Variants in DGKI observed in about 807,000 individuals in gnomAD.
The protein encoded by DGKI is diacylglycerol kinase iota.
In DGKI, 55 loss-of-function variants were observed where a neutral mutation model predicts 147.5. The observed-to-expected ratio is 0.37, with a 90% CI of 0.30 to 0.47. The LOEUF (loss-of-function observed/expected upper bound fraction) is 0.47. Among genes scored for constraint, DGKI ranks in the 20% least tolerant of loss-of-function variants. DGKI has a pLI of 1.00. For missense variants in DGKI, 1,007 were observed against 1,323.8 expected (o/e 0.76, Z 3.71); for synonymous variants, 469 against 477.1 (o/e 0.98, Z 0.22).
chr7:137,587,133 A>G lies in DGKI; in HGVS notation c.1389T>C (p.Thr463=), dbSNP rs756381487. 11 of 1,612,236 alleles carry G rather than the reference A, an allele frequency of 6.8e-6. No individual in the cohort carries two copies. The African/African-American group carries it at 1.5e-4, about 22-fold the overall frequency. Residue 463 remains threonine, a synonymous_variant, in exon 13 of 33, where the codon ACT becomes ACC. Transcript: ENST00000614521. The part of the protein sequence containing the change: ...QPPVGVLPLG[T]GNDLARTLNW... The stretch of plus-strand genomic sequence containing the variant: ...TGAGAGTTCGAGCCAGGTCATTCCC[A>G]GTCCCCAGAGGAAGGACCCCCACAG...
intron 2 of DGKI, among the ~76,000 whole-genome samples, chr7:137,680,500 C>T (rs1046632794): frequency 3.9e-5 from 6 of 152,134 alleles, no homozygotes; most frequent in South Asian, 2.1e-4. Flanking sequence ...TACCAAATGG[C>T]CAGGAGCAGT....
intron 15 of DGKI, among the ~76,000 whole-genome samples, chr7:137,579,032 C>A (rs1311984713): frequency 6.6e-6 from 1 of 152,048 alleles, no homozygotes; most frequent in African/African-American, 2.4e-5. Flanking sequence ...TAAAAATTCT[C>A]CTTTAATGAG....
intron 1 of DGKI, among the ~76,000 whole-genome samples, chr7:137,719,238 G>A (rs1423740875): frequency 1.3e-5 from 2 of 152,204 alleles, no homozygotes; most frequent in East Asian, 1.9e-4. Context: ...GCAGTGAGGG[G>A]CATGTTCTGC....
intron 6 of DGKI, among the ~76,000 whole-genome samples, chr7:137,638,748 T>G (rs1001891966): frequency 1.3e-5 from 2 of 149,790 alleles, no homozygotes; most frequent in African/African-American, 4.9e-5. Flanking sequence ...TAAATAACTA[T>G]AACATGTTAA....
In DGKI at chr7:137,412,153, G is replaced by A. The variant is rs778821159; in HGVS notation, c.2799+17C>T. On this transcript the variant is annotated intron_variant, in intron 29 of 32. Transcript: ENST00000614521. Reference sequence around the variant, plus strand: ...TTCTTAAAGCATCGCCAAAGATTTGGTAGGAAGATATCTTACCTTCATAAG... The same window carrying A: ...TTCTTAAAGCATCGCCAAAGATTTGATAGGAAGATATCTTACCTTCATAAG... 3.7e-6 allele frequency: 6 copies of A among 1,611,836 alleles called. No individual in the cohort carries two copies. The South Asian group carries it at 5.5e-5, about 15-fold the overall frequency.
chr7:137,642,337 G>A (rs867838013), intron 6 of DGKI, among the ~76,000 whole-genome samples: 1 of 152,152 alleles, frequency 6.6e-6, no homozygotes, highest in African/African-American at 2.4e-5. Context: ...TCTTGTGACT[G>A]AAAGTTGCAG....
At chr7:137,824,848 T>C (rs1678082054) in intron 1 of DGKI, among the ~76,000 whole-genome samples, 1 of 152,204 alleles carries the variant, frequency 6.6e-6, no homozygotes, top group Non-Finnish European at 1.5e-5. Flanking sequence ...CTAAGGATAA[T>C]GGCCTCCAGC....
intron 6 of DGKI, among the ~76,000 whole-genome samples, chr7:137,643,693 C>A (rs1821731301): frequency 6.6e-6 from 1 of 152,188 alleles, no homozygotes; most frequent in East Asian, 1.9e-4. Context: ...CAGGAAAGGA[C>A]ACACAGCAAC....
At chr7:137,546,251 G>A (rs901159144) in intron 20 of DGKI, among the ~76,000 whole-genome samples, 4 of 152,080 alleles carry the variant, frequency 2.6e-5, no homozygotes, top group Admixed American at 6.5e-5. Context: ...ACGGCAGGTC[G>A]GGGGGTGTAG....
chr7:137,472,178 A>G (rs536126621), intron 23 of DGKI, among the ~76,000 whole-genome samples: 255 of 119,432 alleles, frequency 2.1e-3, no homozygotes, highest in Middle Eastern at 0.012. Context: ...ACACATATAT[A>G]TGTATATACA....
chr7:137,555,677 G>A (rs1401671262), intron 19 of DGKI, among the ~76,000 whole-genome samples: 3 of 152,028 alleles, frequency 2.0e-5, no homozygotes, highest in Non-Finnish European at 4.4e-5. Flanking sequence ...GAAGTTTGGT[G>A]TAATAAATAC....
chr7:137,628,248 A>G (rs958299688), intron 6 of DGKI, among the ~76,000 whole-genome samples: 1 of 152,218 alleles, frequency 6.6e-6, no homozygotes, highest in Non-Finnish European at 1.5e-5. Context: ...GACCGATACT[A>G]GAAACAAACA....
chr7:137,586,418 C>T (rs1212535720), intron 13 of DGKI, among the ~76,000 whole-genome samples: 4 of 150,594 alleles, frequency 2.7e-5, no homozygotes, highest in Non-Finnish European at 4.4e-5. Flanking sequence ...CACAACAAGA[C>T]TGCATCTCAA....
chr7:137,508,928 A>G (rs183314285), intron 21 of DGKI, among the ~76,000 whole-genome samples: 61 of 152,238 alleles, frequency 4.0e-4, no homozygotes, highest in Admixed American at 7.9e-4. Flanking sequence ...ATCAGTACCT[A>G]TTTTGTTACT....
intron 24 of DGKI, among the ~76,000 whole-genome samples, chr7:137,469,013 T>TA (rs1179002579): frequency 1.3e-5 from 2 of 152,068 alleles, no homozygotes; most frequent in African/African-American, 2.4e-5. Context: ...ATACTTGAGA[T>TA]AAAAAAACGG....
chr7:137,459,345 C>A (rs1814327748), intron 27 of DGKI, among the ~76,000 whole-genome samples: 1 of 151,822 alleles, frequency 6.6e-6, no homozygotes. Context: ...GCCCTGGGTG[C>A]CTTGGAGGAA....
intron 20 of DGKI, among the ~76,000 whole-genome samples, chr7:137,523,229 C>T (rs982280335): frequency 2.0e-5 from 3 of 151,984 alleles, no homozygotes; most frequent in Non-Finnish European, 4.4e-5. Flanking sequence ...CACAGAGACA[C>T]AGACACACAC....
intron 19 of DGKI, among the ~76,000 whole-genome samples, chr7:137,555,915 C>T (rs1401503168): frequency 6.6e-6 from 1 of 151,734 alleles, no homozygotes; most frequent in African/African-American, 2.4e-5. Flanking sequence ...AAAAGCAGTA[C>T]AAGAAAACAA....
intron 28 of DGKI, among the ~76,000 whole-genome samples, chr7:137,432,065 C>T (rs924911990): frequency 6.6e-6 from 1 of 152,174 alleles, no homozygotes; most frequent in Non-Finnish European, 1.5e-5. Flanking sequence ...GGGCACCTCC[C>T]CCTTTGCTTT....
Sources: allele counts gnomAD v4.1 joint callset (sites outside exome capture counted in the v4.1 genomes callset), GRCh38; gene constraint gnomAD v4.1.1; transcripts MANE v1.5; gene names NCBI Gene and HGNC (gene_info 2026-07-23, HGNC 2026-07-21).